The following CCDC144A variants were observed in gnomAD, a reference collection of about 807,000 sequenced individuals.
CCDC144A encodes coiled-coil domain-containing protein 144A.
In CCDC144A, 41 loss-of-function variants were observed where a neutral mutation model predicts 143.8. The ratio of observed to expected loss-of-function variants is 0.29; its 90% CI spans 0.22 to 0.37. The LOEUF is 0.37. Among genes scored for constraint, CCDC144A ranks in the 10% least tolerant of loss-of-function variants. The pLI, the probability that CCDC144A is intolerant of heterozygous loss-of-function variation, is 1.00. For synonymous variants in CCDC144A, 242 were observed against 517.9 expected (o/e 0.47, Z 7.23); for missense variants, 637 against 1,488.8 (o/e 0.43, Z 9.41).
At chr17:16,678,014 T>G in the CCDC144A span, among the ~76,000 whole-genome samples, 2 of 152,018 alleles carry the variant, frequency 1.3e-5, no homozygotes, top group African/African-American at 4.8e-5. Flanking sequence ...ATTCGTCCTT[T>G]CCCACACTCT....
the CCDC144A span, chr17:16,683,372 C>T: frequency 4.6e-6 from 3 of 654,674 alleles, no homozygotes; most frequent in Non-Finnish European, 7.9e-6. Flanking sequence ...CAGTTTAGGA[C>T]AACTCTCTTT....
chr17:16,737,998 C>G (rs911769114), intron 12 of CCDC144A, among the ~76,000 whole-genome samples: 1 of 151,038 alleles, frequency 6.6e-6, no homozygotes, highest in Non-Finnish European at 1.5e-5. Flanking sequence ...AGTGATTTCT[C>G]TATTGCCATG....
chr17:16,705,091 A>C, intron 2 of CCDC144A, 60 bp from the exon 3 acceptor site: 3 of 894,942 alleles, frequency 3.4e-6, no homozygotes, highest in South Asian at 2.9e-5. Context: ...TATACAAGTT[A>C]GTCAAATTAT....
chr17:16,743,220 G>A (rs1243504965), intron 12 of CCDC144A, among the ~76,000 whole-genome samples: 2 of 151,994 alleles, frequency 1.3e-5, no homozygotes, highest in African/African-American at 2.4e-5. Context: ...TATAATTTTG[G>A]ATCTCATGTT....
chr17:16,696,539 C>T (rs1244317675), intron 2 of CCDC144A, among the ~76,000 whole-genome samples: 1 of 148,994 alleles, frequency 6.7e-6, no homozygotes, highest in African/African-American at 2.5e-5. Flanking sequence ...GAGGCTGAGG[C>T]AGGAGAATCA....
intron 15 of CCDC144A, 141 bp from the exon 16 acceptor site, chr17:16,771,836 A>T: frequency 4.6e-6 from 3 of 653,764 alleles, no homozygotes. Flanking sequence ...AGGAATTTAT[A>T]TGATATTTTT....
chr17:16,702,897 T>G lies in CCDC144A; in HGVS notation c.416-2254T>G, dbSNP rs1345328135. Among the ~76,000 whole-genome samples, 6 of 152,064 alleles carry G rather than the reference T, an allele frequency of 3.9e-5. No homozygotes were observed. The East Asian group carries it at 1.2e-3, about 29-fold the overall frequency. On this transcript the variant is annotated intron_variant, in intron 2 of 16. Transcript: ENST00000399273. Reference sequence around the variant, plus strand: ...ACTTATCAGATAAGACAAACTTTACTTGCCAATATGTTAGTTGTGCTTTAA... The same window carrying G: ...ACTTATCAGATAAGACAAACTTTACGTGCCAATATGTTAGTTGTGCTTTAA...
At chr17:16,673,780 A>G in the CCDC144A span, among the ~76,000 whole-genome samples, 9 of 152,182 alleles carry the variant, frequency 5.9e-5, no homozygotes, top group African/African-American at 2.2e-4. Context: ...TACAGGCAGA[A>G]CAAGATAAAA....
chr17:16,687,406 C>G (rs1910821977), upstream of CCDC144A, among the ~76,000 whole-genome samples: 1 of 152,128 alleles, frequency 6.6e-6, no homozygotes, highest in Non-Finnish European at 1.5e-5. Context: ...TGTCCTAGCC[C>G]CTTTCATTTC....
In CCDC144A at chr17:16,690,395, C is replaced by G; in HGVS notation, c.-6C>G. ...AGGTTGTGGCCGAGGCAGTAGCTCG[C>G]TACTGATGGCCTCCTGGGGTGGAGA... On this transcript the variant is annotated 5_prime_UTR_variant, in exon 1 of 17. Coordinates refer to ENST00000399273, the MANE Select transcript of CCDC144A (RefSeq NM_001382000.1). 6.5e-7 allele frequency: 1 copy of G among 1,536,166 alleles called. No homozygotes were observed. The highest frequency in any genetic ancestry group is 1.4e-5 in the African/African-American group (1 of 72,368).
intron 12 of CCDC144A, among the ~76,000 whole-genome samples, chr17:16,757,399 T>C (rs1915142550): frequency 6.6e-6 from 1 of 152,236 alleles, no homozygotes; most frequent in African/African-American, 2.4e-5. Context: ...CAGCCCTGTC[T>C]TTATGCTCCT....
At chr17:16,754,960 C>T (rs538012516) in intron 12 of CCDC144A, among the ~76,000 whole-genome samples, 2 of 152,240 alleles carry the variant, frequency 1.3e-5, no homozygotes, top group Admixed American at 1.3e-4. Context: ...CTGAATTGAT[C>T]CTGTTATTAT....
At chr17:16,698,620 C>G (rs921160463) in intron 2 of CCDC144A, among the ~76,000 whole-genome samples, 1 of 152,104 alleles carries the variant, frequency 6.6e-6, no homozygotes, top group African/African-American at 2.4e-5. Flanking sequence ...TTCTTACCTG[C>G]TTTTTTGTGG....
rs1189695019 is a variant in CCDC144A, at chr17:16,777,307, G to C, written c.*3674G>C. 12 of 151,732 alleles carry C rather than the reference G, an allele frequency of 7.9e-5. No homozygotes were observed. The East Asian group carries it at 2.1e-3, about 27-fold the overall frequency. 9.4% of individuals were successfully genotyped at this position (151,732 alleles called of 1,614,324 possible). On this transcript the variant is annotated 3_prime_UTR_variant, in exon 17 of 17. Transcript: ENST00000399273. ...CTGGCAGCACTAGGCAGATCACCAA[G>C]ACAGAAAGTCAACAAAGAAACAATG... is the stretch of plus-strand genomic sequence containing the variant.
In CCDC144A at chr17:16,745,718, G is replaced by T. The variant is rs144648733; in HGVS notation, c.3372+10075G>T. ...TGTTTCCGCCACACTCTCGCGCTCG[G>T]AAGTGAGCTCCTGGATCATACAGCT... On this transcript the variant is annotated intron_variant, in intron 12 of 16. Coordinates refer to ENST00000399273, the MANE Select transcript of CCDC144A (RefSeq NM_001382000.1). 1.7e-3 allele frequency: 2,719 copies of T among 1,614,038 alleles called. 9 individuals carry two copies. In the Middle Eastern group the frequency reaches 0.018, roughly 11 times the overall value.
At chr17:16,685,738 G>A (rs1017367309), upstream of CCDC144A, among the ~76,000 whole-genome samples, 3 of 151,938 alleles carry the variant, frequency 2.0e-5, no homozygotes, top group African/African-American at 7.3e-5. Flanking sequence ...GAGTGGGAGT[G>A]TTTTCTGTGA....
At chr17:16,668,163 T>G in the CCDC144A span, among the ~76,000 whole-genome samples, 4 of 148,052 alleles carry the variant, frequency 2.7e-5, no homozygotes, top group Non-Finnish European at 6.0e-5. Context: ...GAAGTTTTAC[T>G]TCATCTCCTA....
At chr17:16,698,839 T>A (rs1240076701) in intron 2 of CCDC144A, among the ~76,000 whole-genome samples, 2 of 152,226 alleles carry the variant, frequency 1.3e-5, no homozygotes, top group Non-Finnish European at 2.9e-5. Context: ...ACTGACATTT[T>A]AAAAATATTT....
chr17:16,755,686 A>C (rs1915045974), intron 12 of CCDC144A, among the ~76,000 whole-genome samples: 2 of 152,188 alleles, frequency 1.3e-5, no homozygotes, highest in African/African-American at 2.4e-5. Context: ...CAGCCTCCTG[A>C]GTAGCTGGGA....
Sources: gnomAD v4.1 joint callset for allele counts (sites outside exome capture counted in the v4.1 genomes callset) on GRCh38, gnomAD v4.1.1 for gene constraint, MANE v1.5 for transcripts, NCBI Gene and HGNC (gene_info 2026-07-23, HGNC 2026-07-21) for gene names.